The following USP9X variants were observed in gnomAD, a reference collection of about 807,000 sequenced individuals.
USP9X encodes ubiquitin specific peptidase 9 X-linked.
Under a neutral mutation model 190.3 loss-of-function variants are expected in USP9X, and 7 were observed. The observed-to-expected ratio is 0.04, with a 90% confidence interval of 0.02 to 0.07. The LOEUF is 0.07. Among genes scored for constraint, USP9X ranks in the 10% least tolerant of loss-of-function variants. USP9X has a pLI of 1.00. For synonymous variants in USP9X, 645 were observed against 659.5 expected (o/e 0.98, Z 0.34); for missense variants, 1,010 against 1,916.9 (o/e 0.53, Z 8.83).
At chrX:41,106,955 C>T (rs1315909685) in intron 1 of USP9X, among the ~76,000 whole-genome samples, 22 of 96,502 alleles carry the variant, frequency 2.3e-4, no homozygotes, top group African/African-American at 7.0e-4. Context: ...GGTGTGATCT[C>T]GGCTCACTGC....
chrX:41,217,226 A>T lies in USP9X; in HGVS notation c.6092A>T (p.Asp2031Val), dbSNP rs368738864. The change falls in exon 36 of 45, where the codon GAT (aspartate) becomes GTT (valine). Residue 2031 changes from aspartate to valine, a missense_variant. This residue lies in a region of USP9X where 121 missense variants were observed against 281.2 expected (regional missense o/e 0.43). Transcript: ENST00000378308. ...GVYLNPPPGQDHLLPEAEEIT... is the reference protein window; with the variant it reads ...GVYLNPPPGQVHLLPEAEEIT... ...ATCTGCATTTTATTTATAGGGCAAGATCACCTGTTGCCTGAAGCAGAAGAA... is the reference window on the plus strand; with the variant it reads ...ATCTGCATTTTATTTATAGGGCAAGTTCACCTGTTGCCTGAAGCAGAAGAA... 9 of 1,203,292 alleles carry T rather than the reference A, an allele frequency of 7.5e-6. No homozygotes were observed. Among genetic ancestry groups the T allele is most frequent in the Admixed American group, 2.3e-5 (1 of 44,282 alleles).
chrX:41,116,189 A>G (rs940218385), intron 1 of USP9X, among the ~76,000 whole-genome samples: 2 of 112,356 alleles, frequency 1.8e-5, no homozygotes, highest in Non-Finnish European at 3.8e-5. Context: ...CATTGAGAAA[A>G]TTAAAGATGC....
intron 31 of USP9X, among the ~76,000 whole-genome samples, chrX:41,202,238 A>G (rs1466383530): frequency 8.9e-6 from 1 of 111,991 alleles, no homozygotes; most frequent in African/African-American, 3.2e-5. Context: ...CCTACTTTAA[A>G]TAGTCTCACG....
chrX:41,221,076 A>C (rs1323704548), intron 38 of USP9X, among the ~76,000 whole-genome samples: 1 of 110,721 alleles, frequency 9.0e-6, no homozygotes, highest in East Asian at 2.8e-4. Context: ...AGCCTGACCA[A>C]CATGGTGAAA....
chrX:41,096,679 A>T (rs1441004397), intron 1 of USP9X, among the ~76,000 whole-genome samples: 2 of 111,164 alleles, frequency 1.8e-5, no homozygotes, highest in East Asian at 5.6e-4. Flanking sequence ...ACCTCAGCTG[A>T]TCAGCCTGCC....
intron 1 of USP9X, among the ~76,000 whole-genome samples, chrX:41,089,903 G>GTTTTT (rs139093155): frequency 0.012 from 355 of 30,371 alleles, 31 homozygotes; most frequent in African/African-American, 0.042. Flanking sequence ...ATCTATGAGG[G>GTTTTT]TTTTTTTTTT....
chrX:41,232,231 G>GTT (rs1466906350), intron 44 of USP9X, among the ~76,000 whole-genome samples, 156 bp from the exon 45 acceptor site: 4 of 110,864 alleles, frequency 3.6e-5, no homozygotes, highest in African/African-American at 1.3e-4. Flanking sequence ...TTTTGTTTTT[G>GTT]TTTTTGTTTT....
chrX:41,124,870 C>T (rs751162993), intron 2 of USP9X, among the ~76,000 whole-genome samples: 1 of 111,730 alleles, frequency 9.0e-6, no homozygotes, highest in South Asian at 3.7e-4. Context: ...ACTTCATGGA[C>T]TGTTAAAAGG....
chrX:41,146,332 G>A (rs1006022954), intron 11 of USP9X, among the ~76,000 whole-genome samples: 3 of 112,026 alleles, frequency 2.7e-5, no homozygotes, highest in African/African-American at 9.7e-5. Context: ...CAATTCTTAT[G>A]GAGTGTTGAA....
chrX:41,194,254 C>G (rs1407541312), intron 26 of USP9X, among the ~76,000 whole-genome samples: 2 of 111,811 alleles, frequency 1.8e-5, no homozygotes, highest in Non-Finnish European at 3.8e-5. Flanking sequence ...TACACTTGTA[C>G]TTTAAATTAA....
At chrX:41,152,385 T>C (rs924717947) in intron 13 of USP9X, among the ~76,000 whole-genome samples, 5 of 111,808 alleles carry the variant, frequency 4.5e-5, no homozygotes, top group African/African-American at 1.6e-4. Context: ...TAGTAGTGGA[T>C]GTGAAAGTTG....
At chrX:41,187,129 G>A (rs938383621) in intron 24 of USP9X, among the ~76,000 whole-genome samples, 2 of 112,126 alleles carry the variant, frequency 1.8e-5, no homozygotes, top group African/African-American at 6.5e-5. Context: ...CACCATGCCC[G>A]GCCCAGATTC....
chrX:41,101,187 C>T lies in USP9X; in HGVS notation c.-159+15078C>T, dbSNP rs150426954. Among the ~76,000 whole-genome samples the T allele has an allele frequency of 6.4e-3, 706 of 110,954 alleles. 6 individuals are homozygous for T. Among genetic ancestry groups the T allele is most frequent in the African/African-American group, 0.02 (604 of 30,585 alleles). On this transcript the variant is annotated intron_variant, in intron 1 of 44. Coordinates refer to ENST00000378308, the MANE Select transcript of USP9X (RefSeq NM_001039591.3). ...AAATTTCATTTGCAGTAACTCGATA[C>T]AGCTTTCACTTTAGATTTTTCTGTT...
At chrX:41,199,566 C>T (rs1440100779) in intron 30 of USP9X, among the ~76,000 whole-genome samples, 1 of 110,650 alleles carries the variant, frequency 9.0e-6, no homozygotes, top group Admixed American at 9.6e-5. Flanking sequence ...CCATGCCTGG[C>T]TAATTTTGTA....
chrX:41,233,855 A>C lies in USP9X; in HGVS notation c.*1331A>C, dbSNP rs1358845284. ...GAGAATTGGTAACTTGAATGTGTGTAATTTTTTGGAACCTGTCTAAAAACC... is the reference window on the plus strand; with the variant it reads ...GAGAATTGGTAACTTGAATGTGTGTCATTTTTTGGAACCTGTCTAAAAACC... On this transcript the variant is annotated 3_prime_UTR_variant, in exon 45 of 45. Coordinates refer to ENST00000378308, the MANE Select transcript of USP9X (RefSeq NM_001039591.3). 8.9e-6 allele frequency: 1 copy of C among 112,044 alleles called. No homozygotes were observed. Among genetic ancestry groups the C allele is most frequent in the East Asian group, 2.8e-4 (1 of 3,626 alleles). The allele number at this position is 112,044 out of a possible 1,213,427, so 9.2% of individuals were successfully genotyped here. A position where few individuals can be genotyped will look rare whatever the true frequency, so the allele number is the denominator to read the frequency against.
intron 1 of USP9X, among the ~76,000 whole-genome samples, chrX:41,098,870 A>T (rs1055567556): frequency 4.6e-5 from 5 of 107,616 alleles, no homozygotes; most frequent in African/African-American, 1.7e-4. Context: ...ATTACTGTAT[A>T]GTATTGTATT....
intron 14 of USP9X, among the ~76,000 whole-genome samples, chrX:41,154,535 C>A (rs1340513677): frequency 1.2e-4 from 13 of 111,628 alleles, no homozygotes; most frequent in Non-Finnish European, 7.5e-5. Context: ...CCGGCTGTCT[C>A]ACTAGGGTTT....
intron 1 of USP9X, among the ~76,000 whole-genome samples, chrX:41,109,607 A>G (rs951845700): frequency 8.9e-6 from 1 of 112,457 alleles, no homozygotes; most frequent in Non-Finnish European, 1.9e-5. Context: ...GGAATCTGTA[A>G]GGGGTGTGTA....
At chrX:41,114,722 G>T (rs1301251461) in intron 1 of USP9X, among the ~76,000 whole-genome samples, 9 of 108,252 alleles carry the variant, frequency 8.3e-5, no homozygotes, top group African/African-American at 3.0e-4. Context: ...GACTTCAAGT[G>T]ATCCGCCCGC....
Sources: gnomAD v4.1 joint callset for allele counts (sites outside exome capture counted in the v4.1 genomes callset) on GRCh38, gnomAD v4.1.1 for gene constraint, gnomAD v4.1.1 regional missense constraint, MANE v1.5 for transcripts, NCBI Gene and HGNC (gene_info 2026-07-23, HGNC 2026-07-21) for gene names.